CLSTN2: variants seen among roughly 807,000 people sequenced by gnomAD.
CLSTN2 encodes calsyntenin-2.
In CLSTN2, 48 loss-of-function variants were observed where a neutral mutation model predicts 101.2. That is an observed-to-expected ratio of 0.47 (90% CI 0.38 to 0.60). CLSTN2 has a LOEUF of 0.60. CLSTN2 is among the 20% of genes least tolerant of loss of function. The pLI is 0.00. For synonymous variants in CLSTN2, 481 were observed against 463.6 expected (o/e 1.04, Z -0.48); for missense variants, 1,160 against 1,238.2 (o/e 0.94, Z 0.95).
chr3:140,177,747 G>C (rs1017053846), intron 2 of CLSTN2, among the ~76,000 whole-genome samples: 33 of 152,178 alleles, frequency 2.2e-4, no homozygotes, highest in Admixed American at 1.1e-3. Flanking sequence ...TGTGAACTCT[G>C]ATTGCACCAA....
intron 8 of CLSTN2, among the ~76,000 whole-genome samples, chr3:140,504,267 A>G (rs539670500): frequency 1.3e-5 from 2 of 152,204 alleles, no homozygotes; most frequent in Non-Finnish European, 2.9e-5. Context: ...ATTGTCATTA[A>G]CAAGGGGTCC....
intron 1 of CLSTN2, among the ~76,000 whole-genome samples, chr3:140,038,398 T>G (rs1490436956): frequency 1.3e-5 from 2 of 152,190 alleles, no homozygotes; most frequent in Non-Finnish European, 2.9e-5. Flanking sequence ...GGGTGGTTTT[T>G]TTCTTGTAAA....
At chr3:140,199,016 C>T (rs2010684546) in intron 2 of CLSTN2, among the ~76,000 whole-genome samples, 1 of 152,142 alleles carries the variant, frequency 6.6e-6, no homozygotes. Context: ...GGATGACAGC[C>T]CCTGTGTGGG....
chr3:140,042,545 T>C (rs1044631668), intron 1 of CLSTN2, among the ~76,000 whole-genome samples: 4 of 152,206 alleles, frequency 2.6e-5, no homozygotes, highest in Admixed American at 2.6e-4. Flanking sequence ...TTATTATACT[T>C]TAAGTTCTAG....
intron 2 of CLSTN2, among the ~76,000 whole-genome samples, chr3:140,298,026 G>A (rs2107907779): frequency 6.6e-6 from 1 of 152,374 alleles, no homozygotes; most frequent in East Asian, 1.9e-4. Flanking sequence ...GCTATGGTAA[G>A]TTAGGGATCA....
At chr3:140,018,709 T>G (rs2007248275) in intron 1 of CLSTN2, among the ~76,000 whole-genome samples, 1 of 152,064 alleles carries the variant, frequency 6.6e-6, no homozygotes, top group Non-Finnish European at 1.5e-5. Context: ...CTCTGCAGAG[T>G]AAGACAGTTT....
chr3:140,008,809 C>T (rs2007013423), intron 1 of CLSTN2, among the ~76,000 whole-genome samples: 1 of 152,160 alleles, frequency 6.6e-6, no homozygotes. Flanking sequence ...TGTGTTTGTG[C>T]CCAGTTACTG....
intron 9 of CLSTN2, among the ~76,000 whole-genome samples, chr3:140,540,437 G>A (rs79578570): frequency 1.3e-5 from 2 of 152,150 alleles, no homozygotes; most frequent in African/African-American, 2.4e-5. Flanking sequence ...ACTTATAGGG[G>A]TCTATTACAC....
intron 6 of CLSTN2, among the ~76,000 whole-genome samples, chr3:140,454,075 T>C (rs781008420): frequency 5.9e-5 from 9 of 152,202 alleles, no homozygotes; most frequent in Non-Finnish European, 1.2e-4. Context: ...TTAAGGAAAA[T>C]AGGTGAACAC....
chr3:140,516,307 G>A (rs988697154), intron 8 of CLSTN2, among the ~76,000 whole-genome samples: 2 of 152,138 alleles, frequency 1.3e-5, no homozygotes, highest in Admixed American at 6.5e-5. Context: ...TATTTTTTGA[G>A]TGGAGCATTT....
intron 2 of CLSTN2, among the ~76,000 whole-genome samples, chr3:140,247,885 G>A (rs958838598): frequency 1.3e-5 from 2 of 152,122 alleles, no homozygotes; most frequent in Non-Finnish European, 2.9e-5. Context: ...GCCTTCCAGA[G>A]CTTTTCAAAT....
At chr3:139,943,511 C>G (rs1467019905) in intron 1 of CLSTN2, among the ~76,000 whole-genome samples, 1 of 152,168 alleles carries the variant, frequency 6.6e-6, no homozygotes, top group Non-Finnish European at 1.5e-5. Context: ...CTCAGATTTC[C>G]CTCCCTCACA....
intron 1 of CLSTN2, among the ~76,000 whole-genome samples, chr3:140,038,062 A>T (rs1467962944): frequency 6.6e-6 from 1 of 152,206 alleles, no homozygotes; most frequent in Non-Finnish European, 1.5e-5. Context: ...GTATATACCC[A>T]GTAATGGGAT....
At chr3:140,067,823 A>C (rs2008323774) in intron 1 of CLSTN2, among the ~76,000 whole-genome samples, 1 of 152,238 alleles carries the variant, frequency 6.6e-6, no homozygotes, top group Non-Finnish European at 1.5e-5. Context: ...TAAAATAAGC[A>C]GTCTTCTTAC....
chr3:140,273,389 T>C (rs1160333874), intron 2 of CLSTN2, among the ~76,000 whole-genome samples: 1 of 152,112 alleles, frequency 6.6e-6, no homozygotes, highest in African/African-American at 2.4e-5. Flanking sequence ...AGAATATATA[T>C]ATTTACCATC....
chr3:139,983,705 A>C (rs981520561), intron 1 of CLSTN2, among the ~76,000 whole-genome samples: 5 of 152,140 alleles, frequency 3.3e-5, no homozygotes, highest in African/African-American at 1.2e-4. Flanking sequence ...AGTTAATTAA[A>C]CTATGTAATA....
intron 8 of CLSTN2, among the ~76,000 whole-genome samples, chr3:140,487,088 T>C (rs576117363): frequency 4.5e-4 from 68 of 152,296 alleles, no homozygotes; most frequent in African/African-American, 1.5e-3. Context: ...GTGCCTTCTT[T>C]CCCTTTATAA....
intron 1 of CLSTN2, among the ~76,000 whole-genome samples, chr3:140,011,195 G>A (rs1560068921): frequency 6.6e-6 from 1 of 152,200 alleles, no homozygotes; most frequent in Admixed American, 6.5e-5. Context: ...TGGTTAGGGA[G>A]CAATGTTTTC....
intron 1 of CLSTN2, among the ~76,000 whole-genome samples, chr3:140,040,332 A>C (rs550209372): frequency 1.2e-4 from 18 of 152,098 alleles, no homozygotes; most frequent in African/African-American, 4.3e-4. Context: ...TTTAGTCAAC[A>C]CTCCTGGGGT....
Sources: gnomAD v4.1 joint callset for allele counts (sites outside exome capture counted in the v4.1 genomes callset) on GRCh38, gnomAD v4.1.1 for gene constraint, MANE v1.5 for transcripts, NCBI Gene and HGNC (gene_info 2026-07-23, HGNC 2026-07-21) for gene names.